WDR59: variants seen among roughly 807,000 people sequenced by gnomAD.
The protein encoded by WDR59 is WD repeat domain 59.
Under a neutral mutation model 131.2 loss-of-function variants are expected in WDR59, and 100 were observed. That is an observed-to-expected ratio of 0.76 (90% confidence interval 0.65 to 0.90). The LOEUF is 0.90. Among genes scored for constraint, WDR59 ranks in the 40% least tolerant of loss-of-function variants. The pLI is 0.00. For missense variants in WDR59, 1,203 were observed against 1,262.2 expected, an observed-to-expected ratio of 0.95 and a Z score of 0.71; for synonymous variants, 601 against 466.2, an observed-to-expected ratio of 1.29 and a Z score of -3.72.
intron 25 of WDR59, 72 bp from the exon 26 acceptor site, chr16:74,874,516 G>T: frequency 7.3e-7 from 1 of 1,362,416 alleles, no homozygotes; most frequent in Non-Finnish European, 1.0e-6. Context: ...ACTGGGGCTT[G>T]CCAGGAAGAA....
At chr16:74,917,306 C>A (rs1364478758) in intron 11 of WDR59, among the ~76,000 whole-genome samples, 5 of 152,174 alleles carry the variant, frequency 3.3e-5, no homozygotes, top group Admixed American at 6.5e-5. Context: ...CAAGGGTAGG[C>A]TTCTTAGCCC....
chr16:74,927,788 G>A (rs1352919255), intron 8 of WDR59, among the ~76,000 whole-genome samples: 2 of 150,358 alleles, frequency 1.3e-5, no homozygotes, highest in African/African-American at 4.9e-5. Context: ...CTCCATGGCT[G>A]TTTTTTTCAA....
chr16:74,985,025 G>A lies in WDR59; in HGVS notation c.-8C>T, dbSNP rs746699390. 2 of 1,568,120 alleles carry A rather than the reference G, an allele frequency of 1.3e-6. No homozygotes were observed. Among genetic ancestry groups the A allele is most frequent in the Non-Finnish European group, 1.7e-6 (2 of 1,156,256 alleles). On this transcript the variant is annotated 5_prime_UTR_variant, in exon 1 of 26. Transcript: ENST00000262144. ...GCTCCATCGCGCCGCCATCTCCCCC[G>A]CCCGGCCGCCGCGGCCCCAGGACGG...
At chr16:74,981,645 TA>T (rs1567450823) in intron 1 of WDR59, among the ~76,000 whole-genome samples, 735 of 13,218 alleles carry the variant, frequency 0.056, 67 homozygotes, top group Non-Finnish European at 0.071. Context: ...TATATATATA[TA>T]TATATATATA....
chr16:74,968,109 T>A (rs1278044133), intron 1 of WDR59, among the ~76,000 whole-genome samples: 4 of 152,032 alleles, frequency 2.6e-5, no homozygotes, highest in African/African-American at 9.7e-5. Flanking sequence ...AAAAGTAGAA[T>A]GGAGGTTGCC....
chr16:74,883,654 C>T (rs1050386762), intron 25 of WDR59, among the ~76,000 whole-genome samples: 1 of 152,170 alleles, frequency 6.6e-6, no homozygotes, highest in Non-Finnish European at 1.5e-5. Context: ...TCTTGCTTTT[C>T]CTCAACACTC....
At chr16:74,969,566 C>T (rs188791788) in intron 1 of WDR59, among the ~76,000 whole-genome samples, 2,338 of 143,930 alleles carry the variant, frequency 0.016, 55 homozygotes, top group African/African-American at 0.055. Flanking sequence ...CCACTGCACC[C>T]GGCCTGTTTT....
intron 7 of WDR59, among the ~76,000 whole-genome samples, chr16:74,942,496 A>C (rs2032310428): frequency 6.6e-6 from 1 of 152,196 alleles, no homozygotes; most frequent in Admixed American, 6.5e-5. Context: ...TGTCATAATT[A>C]GGAGGTGGCA....
At chr16:74,894,708 A>C (rs1416487466) in intron 18 of WDR59, among the ~76,000 whole-genome samples, 1 of 152,206 alleles carries the variant, frequency 6.6e-6, no homozygotes, top group Non-Finnish European at 1.5e-5. Flanking sequence ...TTAGAAAATC[A>C]AGATTTCCAG....
chr16:74,930,409 G>A (rs1489701133), intron 8 of WDR59, among the ~76,000 whole-genome samples: 1 of 152,066 alleles, frequency 6.6e-6, no homozygotes, highest in Non-Finnish European at 1.5e-5. Context: ...TCAAATCCTT[G>A]CTGAAGGTGT....
rs1308531124 is a variant in WDR59, at chr16:74,984,836, G to A, written c.54+128C>T. The A allele has an allele frequency of 3.6e-6, 5 of 1,390,270 alleles. No individual in the cohort carries two copies. In the East Asian group the frequency reaches 1.3e-4, roughly 35 times the overall value. 86.1% of individuals were successfully genotyped at this position (1,390,270 alleles called of 1,614,324 possible). ...CGACGGGGCCTAAGAGGTCGGCTAA[G>A]CCCCGCCCACCTCCTCAGTACGGGG... is the stretch of plus-strand genomic sequence containing the variant. On this transcript the variant is annotated intron_variant, in intron 1 of 25. Coordinates refer to ENST00000262144, the MANE Select transcript of WDR59 (RefSeq NM_030581.4).
chr16:74,977,869 CAGAT>C (rs1411589677), intron 1 of WDR59, among the ~76,000 whole-genome samples: 2 of 152,130 alleles, frequency 1.3e-5, no homozygotes, highest in African/African-American at 2.4e-5. Flanking sequence ...AATGCACTAA[CAGAT>C]AGGCTCAACA....
At chr16:74,918,773 T>A (rs11641329) in intron 10 of WDR59, among the ~76,000 whole-genome samples, 9,289 of 152,292 alleles carry the variant, frequency 0.061, 420 homozygotes, top group Non-Finnish European at 0.091. Context: ...TTCTTAATTT[T>A]ATGGATGGGG....
At chr16:74,983,657 C>T (rs886472209) in intron 1 of WDR59, among the ~76,000 whole-genome samples, 1 of 152,030 alleles carries the variant, frequency 6.6e-6, no homozygotes, top group Non-Finnish European at 1.5e-5. Flanking sequence ...GTGTGCCACA[C>T]ATCCTCAACA....
intron 8 of WDR59, among the ~76,000 whole-genome samples, chr16:74,927,038 G>A (rs1029079567): frequency 1.3e-5 from 2 of 152,170 alleles, no homozygotes; most frequent in African/African-American, 4.8e-5. Flanking sequence ...CAAACACCCA[G>A]CTGTAAAATC....
At chr16:74,932,218 T>A (rs1379302273) in intron 8 of WDR59, among the ~76,000 whole-genome samples, 4 of 151,060 alleles carry the variant, frequency 2.6e-5, no homozygotes, top group Non-Finnish European at 5.9e-5. Flanking sequence ...CTTAGCTTCC[T>A]GAGTAGCTGG....
At chr16:74,904,968 C>A (rs2144894608) in intron 17 of WDR59, among the ~76,000 whole-genome samples, 1 of 152,336 alleles carries the variant, frequency 6.6e-6, no homozygotes, top group African/African-American at 2.4e-5. Flanking sequence ...CGAACTTTGA[C>A]CCCTTAACTC....
At chr16:74,955,910 G>T (rs891935005) in intron 3 of WDR59, among the ~76,000 whole-genome samples, 1 of 151,898 alleles carries the variant, frequency 6.6e-6, no homozygotes, top group African/African-American at 2.4e-5. Flanking sequence ...ATAAAGAAAA[G>T]ATTTTTGTAT....
At position 74,909,617 on chromosome 16, in the gene WDR59, G is replaced by A; in HGVS notation, c.1526C>T (p.Pro509Leu). ...CGGTAAGGGGGGAGTGACAGAGTTG[G>A]GGAGTGCAAACGGGTTGCTGGAAGC... ...DSASSNPFAL[P>L]NSVTPPLPTF... is the part of the protein sequence containing the mutation. The change falls in exon 16 of 26, where the codon CCC (proline) becomes CTC (leucine). Residue 509 changes from proline (P) to leucine (L), a missense_variant. Pro to Leu is a moderately conservative substitution (Grantham distance 98, BLOSUM62 -3). Transcript: ENST00000262144. 1 of 1,602,390 alleles carries A rather than the reference G, an allele frequency of 6.2e-7. No homozygotes were observed. The highest frequency in any genetic ancestry group is 8.5e-7 in the Non-Finnish European group (1 of 1,175,984).
Sources: allele counts gnomAD v4.1 joint callset (sites outside exome capture counted in the v4.1 genomes callset), GRCh38; gene constraint gnomAD v4.1.1; transcripts MANE v1.5; gene names NCBI Gene and HGNC (gene_info 2026-07-23, HGNC 2026-07-21).